The following AMMECR1 variants were observed in gnomAD, a reference collection of about 807,000 sequenced individuals.
AMMECR1 encodes AMMECR nuclear protein 1.
AMMECR1 carries 3 observed loss-of-function variants against 22.5 expected under a neutral mutation model. The ratio of observed to expected loss-of-function variants is 0.13; its 90% confidence interval spans 0.06 to 0.35. The LOEUF is 0.35. AMMECR1 is among the 10% of genes least tolerant of loss of function. AMMECR1 has a pLI of 1.00. For synonymous variants in AMMECR1, 130 were observed against 116.7 expected (o/e 1.11, Z -0.74); for missense variants, 235 against 278.7 (o/e 0.84, Z 1.12).
intron 5 of AMMECR1, among the ~76,000 whole-genome samples, chrX:110,199,340 T>A (rs2067385816): frequency 9.0e-6 from 1 of 111,093 alleles, no homozygotes; most frequent in Admixed American, 9.6e-5. Flanking sequence ...CTCAGATTGC[T>A]CCTTGTCTCT....
At chrX:110,206,192 G>C (rs2067420908) in intron 3 of AMMECR1, among the ~76,000 whole-genome samples, 1 of 111,911 alleles carries the variant, frequency 8.9e-6, no homozygotes, top group African/African-American at 3.2e-5. Context: ...GTCACAGAAA[G>C]AAGAGGTACA....
intron 2 of AMMECR1, among the ~76,000 whole-genome samples, chrX:110,423,328 CAA>C (rs764253802): frequency 3.3e-5 from 2 of 60,728 alleles, no homozygotes; most frequent in Non-Finnish European, 6.3e-5. Flanking sequence ...AACTCGGTCT[CAA>C]AAAAAAAAAA....
rs372186567 is a variant in AMMECR1, at chrX:110,406,352, C to T, written c.-148+20306G>A. 1.6e-4 allele frequency among the ~76,000 whole-genome samples: 17 copies of T among 109,317 alleles called. No individual in the cohort carries two copies. The East Asian group carries it at 3.7e-3, about 24-fold the overall frequency. 94.9% of individuals were successfully genotyped at this position (109,317 alleles called of 115,157 possible). ...ACTCCCACTTATGAGTGAGGACATG[C>T]GGTGTTTGGTTTTCTGATCTTGCGA... On this transcript the variant is annotated intron_variant, in intron 2 of 7. Coordinates refer to the AMMECR1 transcript ENST00000372057.
chrX:110,297,303 G>A (rs1357795266), intron 1 of AMMECR1, among the ~76,000 whole-genome samples: 1 of 111,529 alleles, frequency 9.0e-6, no homozygotes, highest in East Asian at 2.8e-4. Flanking sequence ...TTAAACAATT[G>A]CTGCTGCTTG....
intron 2 of AMMECR1, among the ~76,000 whole-genome samples, chrX:110,387,718 T>C (rs1301930832): frequency 4.5e-5 from 5 of 111,847 alleles, no homozygotes; most frequent in Non-Finnish European, 9.4e-5. Context: ...CCATGTTCTC[T>C]ACTTCTCAAC....
chrX:110,268,109 C>A (rs1231267999), intron 1 of AMMECR1, among the ~76,000 whole-genome samples: 1 of 112,167 alleles, frequency 8.9e-6, no homozygotes, highest in Non-Finnish European at 1.9e-5. Flanking sequence ...TTGCTATGGG[C>A]TCTTTCAGAT....
chrX:110,296,445 G>T (rs1333936044), intron 1 of AMMECR1, among the ~76,000 whole-genome samples: 1 of 111,713 alleles, frequency 9.0e-6, no homozygotes, highest in Admixed American at 9.5e-5. Context: ...CATCAAATTC[G>T]GGAAGTTTTC....
At chrX:110,391,565 C>T (rs374336974) in intron 2 of AMMECR1, among the ~76,000 whole-genome samples, 6 of 112,006 alleles carry the variant, frequency 5.4e-5, no homozygotes, top group Admixed American at 2.8e-4. Flanking sequence ...GCTCAGGCTA[C>T]GACTCTATGG....
chrX:110,197,725 T>C lies in AMMECR1; in HGVS notation c.*795A>G, dbSNP rs898851777. On this transcript the variant is annotated 3_prime_UTR_variant, in exon 6 of 6. Transcript: ENST00000262844. The stretch of plus-strand genomic sequence containing the variant: ...TGTTTCCTGTAGCCTTTTTGAAAGG[T>C]AGTTTGTACCTTCTCCAAACAGTGT... 1 of 112,145 alleles carries C rather than the reference T, an allele frequency of 8.9e-6. No individual in the cohort carries two copies. The highest frequency in any genetic ancestry group is 3.2e-5 in the African/African-American group (1 of 30,792). 9.2% of individuals were successfully genotyped at this position (112,145 alleles called of 1,213,427 possible).
chrX:110,336,510 C>G (rs1392541501), intron 2 of AMMECR1, among the ~76,000 whole-genome samples: 8 of 109,805 alleles, frequency 7.3e-5, no homozygotes, highest in Non-Finnish European at 1.5e-4. Flanking sequence ...ATGGTGAAAC[C>G]CTGTCTCTAC....
intron 2 of AMMECR1, among the ~76,000 whole-genome samples, chrX:110,228,753 T>C (rs2067546997): frequency 9.0e-6 from 1 of 111,159 alleles, no homozygotes; most frequent in Admixed American, 9.6e-5. Context: ...AACTATTGTC[T>C]TCCTCTGCGT....
intron 2 of AMMECR1, among the ~76,000 whole-genome samples, chrX:110,337,794 G>T (rs73250300): frequency 0.1 from 11,245 of 111,991 alleles, 565 homozygotes; most frequent in Non-Finnish European, 0.15. Context: ...ATTCATAATA[G>T]CTAAAACAGG....
At chrX:110,255,606 T>C (rs1013271974) in intron 2 of AMMECR1, among the ~76,000 whole-genome samples, 1 of 111,862 alleles carries the variant, frequency 8.9e-6, no homozygotes. Context: ...CTGAAGGTAG[T>C]TGGGTATAGC....
At chrX:110,357,803 G>A (rs1416885941) in intron 2 of AMMECR1, among the ~76,000 whole-genome samples, 1 of 111,721 alleles carries the variant, frequency 9.0e-6, no homozygotes, top group Admixed American at 9.5e-5. Flanking sequence ...CCCACATTGT[G>A]TGGGAAGCAG....
intron 2 of AMMECR1, among the ~76,000 whole-genome samples, chrX:110,221,900 C>T (rs2067502312): frequency 9.2e-6 from 1 of 108,559 alleles, no homozygotes; most frequent in Admixed American, 9.8e-5. Flanking sequence ...AATGAGATAC[C>T]ATCTCACACC....
Position 110,282,852 on chromosome X carries a change from T to C in AMMECR1, c.474-18253A>G, listed in dbSNP as rs1043460383. On this transcript the variant is annotated intron_variant, in intron 1 of 5. Coordinates refer to ENST00000262844, the MANE Select transcript of AMMECR1 (RefSeq NM_015365.3). Reference sequence around the variant, plus strand: ...TATGATATTATGAATTAAGTACTATTAGGTGCTTTCATATGCATTTTCTTC... The same window carrying C: ...TATGATATTATGAATTAAGTACTATCAGGTGCTTTCATATGCATTTTCTTC... Among the ~76,000 whole-genome samples, 3 of 111,293 alleles carry C rather than the reference T, an allele frequency of 2.7e-5. No individual in the cohort carries two copies. The Admixed American group carries it at 2.9e-4, about 11-fold the overall frequency.
chrX:110,406,981 A>T (rs1018303367), intron 2 of AMMECR1, among the ~76,000 whole-genome samples: 2 of 111,755 alleles, frequency 1.8e-5, no homozygotes, highest in African/African-American at 6.5e-5. Flanking sequence ...ATCTCTGCAC[A>T]GGAGCTGAAT....
intron 2 of AMMECR1, among the ~76,000 whole-genome samples, chrX:110,327,975 A>G (rs1423915956): frequency 8.9e-6 from 1 of 112,201 alleles, no homozygotes; most frequent in Non-Finnish European, 1.9e-5. Flanking sequence ...CACAGAGAGA[A>G]GACAGGCAAC....
At chrX:110,431,949 G>A (rs1279758095) in intron 1 of AMMECR1, among the ~76,000 whole-genome samples, 2 of 112,205 alleles carry the variant, frequency 1.8e-5, no homozygotes, top group African/African-American at 6.5e-5. Flanking sequence ...AAAAGCAGAG[G>A]AAAGGGCTCA....
Sources: gnomAD v4.1 joint callset for allele counts (sites outside exome capture counted in the v4.1 genomes callset) on GRCh38, gnomAD v4.1.1 for gene constraint, MANE v1.5 for transcripts, NCBI Gene and HGNC (gene_info 2026-07-23, HGNC 2026-07-21) for gene names.